Variants in KCNMA1 observed in about 807,000 individuals in gnomAD.
KCNMA1 encodes the protein Calcium-activated potassium channel subunit alpha-1.
In KCNMA1, 29 loss-of-function variants were observed where a neutral mutation model predicts 140.0. That is an observed-to-expected ratio of 0.21 (90% CI 0.15 to 0.28). KCNMA1 has a LOEUF of 0.28. Among genes scored for constraint, KCNMA1 ranks in the 10% least tolerant of loss-of-function variants. The pLI, the probability that KCNMA1 is intolerant of heterozygous loss-of-function variation, is 1.00. For missense variants in KCNMA1, 880 were observed against 1,602.2 expected (o/e 0.55, Z 7.70); for synonymous variants, 612 against 611.9 (o/e 1.00, Z 0.00).
At chr10:77,296,136 C>A (rs1482699178) in intron 2 of KCNMA1, among the ~76,000 whole-genome samples, 1 of 152,064 alleles carries the variant, frequency 6.6e-6, no homozygotes, top group Non-Finnish European at 1.5e-5. Context: ...AGTTAAGGAT[C>A]TTGAAATGGG....
intron 4 of KCNMA1, among the ~76,000 whole-genome samples, chr10:77,184,191 G>A (rs574854138): frequency 3.3e-5 from 5 of 152,080 alleles, no homozygotes; most frequent in African/African-American, 1.2e-4. Flanking sequence ...AATTTTAAGA[G>A]CTGAAGAGGT....
At chr10:77,330,537 G>A (rs2085985945) in intron 2 of KCNMA1, among the ~76,000 whole-genome samples, 1 of 152,098 alleles carries the variant, frequency 6.6e-6, no homozygotes, top group South Asian at 2.1e-4. Flanking sequence ...CTCCTTATCT[G>A]GAACTCACAA....
intron 1 of KCNMA1, among the ~76,000 whole-genome samples, chr10:77,436,320 A>G (rs973351651): frequency 1.3e-5 from 2 of 152,256 alleles, no homozygotes; most frequent in Non-Finnish European, 2.9e-5. Context: ...ACCAAACTTT[A>G]AAACTGGAAT....
intron 2 of KCNMA1, among the ~76,000 whole-genome samples, chr10:77,403,657 A>G (rs1185291533): frequency 6.6e-6 from 1 of 151,488 alleles, no homozygotes; most frequent in East Asian, 1.9e-4. Context: ...TGCAAATCCC[A>G]CTCCTTGAAA....
intron 1 of KCNMA1, chr10:77,635,430 C>G (rs1217652776): frequency 6.6e-6 from 1 of 152,208 alleles, no homozygotes; most frequent in Non-Finnish European, 1.5e-5. Flanking sequence ...CCAGATCACT[C>G]TATCTAGGGA....
At chr10:77,150,252 C>G (rs1323056550) in intron 5 of KCNMA1, among the ~76,000 whole-genome samples, 1 of 152,134 alleles carries the variant, frequency 6.6e-6, no homozygotes, top group Non-Finnish European at 1.5e-5. Context: ...TTATTCTGGA[C>G]TGATTATCCA....
chr10:77,501,403 CTG>C (rs1427813267), intron 1 of KCNMA1, among the ~76,000 whole-genome samples: 1 of 152,228 alleles, frequency 6.6e-6, no homozygotes, highest in African/African-American at 2.4e-5. Flanking sequence ...ACCCAATCCT[CTG>C]TGCATGTGCC....
intron 13 of KCNMA1, 94 bp from the exon 14 acceptor site, chr10:77,073,346 A>G: frequency 8.0e-7 from 1 of 1,251,542 alleles, no homozygotes; most frequent in Non-Finnish European, 1.2e-6. Flanking sequence ...CCAACCACTC[A>G]GGGCCATCCA....
intron 1 of KCNMA1, among the ~76,000 whole-genome samples, chr10:77,414,633 G>C (rs1014477279): frequency 6.6e-6 from 1 of 152,056 alleles, no homozygotes; most frequent in Non-Finnish European, 1.5e-5. Context: ...TGGGATTACA[G>C]GCACCCACCA....
intron 25 of KCNMA1, among the ~76,000 whole-genome samples, chr10:76,900,164 T>C (rs1320193802): frequency 6.6e-6 from 1 of 152,102 alleles, no homozygotes; most frequent in East Asian, 1.9e-4. Flanking sequence ...CTTTATAATG[T>C]ACACTGTTTC....
At chr10:77,610,725 G>A (rs2086536778) in intron 1 of KCNMA1, among the ~76,000 whole-genome samples, 1 of 152,226 alleles carries the variant, frequency 6.6e-6, no homozygotes, top group Non-Finnish European at 1.5e-5. Flanking sequence ...CAGGGACTGG[G>A]AGCAGAGGGA....
rs554030632 is a variant in KCNMA1 at position 76,954,273 on chromosome 10, A to G, written c.2361-349T>C. On this transcript the variant is annotated intron_variant, in intron 20 of 27. Transcript: ENST00000286628. ...GCTATTCGATCTCCCCAGCGTGCACACACACACACACACACACACATACAC... is the reference window on the plus strand; with the variant it reads ...GCTATTCGATCTCCCCAGCGTGCACGCACACACACACACACACACATACAC... Among the ~76,000 whole-genome samples, 180 of 141,320 alleles carry G rather than the reference A, an allele frequency of 1.3e-3. 1 individual carries two copies. The highest frequency in any genetic ancestry group is 4.3e-3 in the African/African-American group (174 of 40,512). 92.7% of individuals were successfully genotyped at this position (141,320 alleles called of 152,430 possible).
chr10:77,158,211 T>G (rs1022953344), intron 5 of KCNMA1, among the ~76,000 whole-genome samples: 1 of 152,144 alleles, frequency 6.6e-6, no homozygotes, highest in African/African-American at 2.4e-5. Flanking sequence ...AAGAGCTGTA[T>G]GCCATGAGGA....
Position 77,637,797 on chromosome 10 carries a change from G to C in KCNMA1, c.-155C>G, listed in dbSNP as rs889163389. 41 of 1,242,866 alleles carry C rather than the reference G, an allele frequency of 3.3e-5. No individual in the cohort carries two copies. The Admixed American group carries it at 3.9e-4, about 12-fold the overall frequency. 77.0% of individuals were successfully genotyped at this position (1,242,866 alleles called of 1,614,324 possible). ...GGGGGGCGGGGAGGCGCCTGGGCTC[G>C]GGGCGCTGTGCGCGACCTGGCGGGG... is the stretch of plus-strand genomic sequence containing the variant. On this transcript the variant is annotated 5_prime_UTR_variant, in exon 1 of 28. Transcript: ENST00000286628.
At chr10:77,138,155 G>A (rs1281444221) in intron 5 of KCNMA1, among the ~76,000 whole-genome samples, 1 of 152,176 alleles carries the variant, frequency 6.6e-6, no homozygotes, top group Non-Finnish European at 1.5e-5. Context: ...CAGGGGTGAG[G>A]CTCCTGCTTC....
At chr10:77,310,128 G>C (rs751901864) in intron 2 of KCNMA1, among the ~76,000 whole-genome samples, 1 of 152,186 alleles carries the variant, frequency 6.6e-6, no homozygotes, top group Non-Finnish European at 1.5e-5. Context: ...GTGGAGTCAG[G>C]AATGTGCTTA....
At chr10:77,143,392 C>T (rs1238785339) in intron 5 of KCNMA1, among the ~76,000 whole-genome samples, 1 of 151,868 alleles carries the variant, frequency 6.6e-6, no homozygotes, top group Admixed American at 6.6e-5. Context: ...TGTCGTGCCC[C>T]CCAAAAAGAC....
At chr10:77,568,993 A>G (rs1330295157) in intron 1 of KCNMA1, among the ~76,000 whole-genome samples, 3 of 135,610 alleles carry the variant, frequency 2.2e-5, no homozygotes, top group African/African-American at 8.3e-5. Context: ...CAATTGCTTC[A>G]AAGAGAATAA....
intron 20 of KCNMA1, among the ~76,000 whole-genome samples, chr10:76,955,948 T>C (rs1420889505): frequency 6.6e-6 from 1 of 152,206 alleles, no homozygotes; most frequent in Admixed American, 6.5e-5. Flanking sequence ...TTGCCCTGTT[T>C]ACTGGTTGGA....
Sources: allele counts gnomAD v4.1 joint callset (sites outside exome capture counted in the v4.1 genomes callset), GRCh38; gene constraint gnomAD v4.1.1; transcripts MANE v1.5; gene names NCBI Gene and HGNC (gene_info 2026-07-23, HGNC 2026-07-21).